The following EDIL3 variants were observed in gnomAD, a reference collection of about 807,000 sequenced individuals.
EDIL3 encodes the protein EGF like and discoidin domains 3.
In EDIL3, 37 loss-of-function variants were observed where a neutral mutation model predicts 67.4. The ratio of observed to expected loss-of-function variants is 0.55; its 90% confidence interval spans 0.42 to 0.72. The LOEUF (loss-of-function observed/expected upper bound fraction) is 0.72. Ranked by LOEUF, EDIL3 falls within the 30% of genes least tolerant of loss-of-function variation. The pLI, the probability that EDIL3 is intolerant of heterozygous loss-of-function variation, is 0.00. For synonymous variants in EDIL3, 195 were observed against 196.3 expected, an observed-to-expected ratio of 0.99 and a Z score of 0.05; for missense variants, 527 against 586.3, an observed-to-expected ratio of 0.90 and a Z score of 1.04.
chr5:84,265,219 T>G (rs906794738), intron 1 of EDIL3, among the ~76,000 whole-genome samples: 4 of 152,208 alleles, frequency 2.6e-5, no homozygotes, highest in African/African-American at 4.8e-5. Context: ...TAGAATGTCT[T>G]AGTTTCAAGT....
intron 6 of EDIL3, among the ~76,000 whole-genome samples, chr5:84,074,830 C>T (rs1580313919): frequency 6.6e-6 from 1 of 152,110 alleles, no homozygotes; most frequent in East Asian, 1.9e-4. Flanking sequence ...ACCATTTGAC[C>T]CAGCCATCCC....
chr5:84,253,290 T>C (rs1186882277), intron 2 of EDIL3, among the ~76,000 whole-genome samples: 1 of 152,204 alleles, frequency 6.6e-6, no homozygotes, highest in Non-Finnish European at 1.5e-5. Flanking sequence ...AACAGATATA[T>C]TCCATCTTGT....
At chr5:84,090,954 CA>C (rs70975540) in intron 6 of EDIL3, among the ~76,000 whole-genome samples, 35,767 of 139,986 alleles carry the variant, frequency 0.26, 4,421 homozygotes, top group Middle Eastern at 0.32. Context: ...CTCAAAAAAA[CA>C]AAAAAAAAAA....
At chr5:84,139,041 C>G (rs1044430598) in intron 4 of EDIL3, among the ~76,000 whole-genome samples, 9 of 152,160 alleles carry the variant, frequency 5.9e-5, no homozygotes, top group Admixed American at 1.3e-4. Context: ...AGTTCAAGAC[C>G]AGCCTGGCCA....
At chr5:84,011,526 C>T (rs1745516659) in intron 9 of EDIL3, among the ~76,000 whole-genome samples, 1 of 152,150 alleles carries the variant, frequency 6.6e-6, no homozygotes, top group Non-Finnish European at 1.5e-5. Flanking sequence ...CCAACATTAC[C>T]TTTTAAAACT....
intron 3 of EDIL3, among the ~76,000 whole-genome samples, chr5:84,203,488 C>T (rs1743889593): frequency 6.6e-6 from 1 of 152,110 alleles, no homozygotes; most frequent in African/African-American, 2.4e-5. Context: ...AATCTCAGGG[C>T]TGATGTTGGT....
intron 3 of EDIL3, among the ~76,000 whole-genome samples, chr5:84,200,637 C>T (rs1214173433): frequency 6.6e-6 from 1 of 151,948 alleles, no homozygotes; most frequent in Non-Finnish European, 1.5e-5. Context: ...TGATATATTA[C>T]ATTTGTTTTA....
intron 9 of EDIL3, among the ~76,000 whole-genome samples, chr5:84,024,808 T>G (rs2112196004): frequency 6.6e-6 from 1 of 151,860 alleles, no homozygotes; most frequent in African/African-American, 2.4e-5. Flanking sequence ...TTCTATTTTT[T>G]TTTTCACTCT....
intron 4 of EDIL3, among the ~76,000 whole-genome samples, chr5:84,145,904 C>A (rs1748283783): frequency 6.6e-6 from 1 of 151,994 alleles, no homozygotes; most frequent in South Asian, 2.1e-4. Flanking sequence ...TTCCTATGAG[C>A]ATTTTAATTT....
chr5:84,351,892 A>G (rs570234788), intron 1 of EDIL3, among the ~76,000 whole-genome samples: 181 of 152,154 alleles, frequency 1.2e-3, no homozygotes, highest in African/African-American at 4.2e-3. Flanking sequence ...CTATATATCT[A>G]AAAGAAGGCT....
chr5:84,138,175 T>C (rs1043473013), intron 4 of EDIL3, among the ~76,000 whole-genome samples: 1 of 152,220 alleles, frequency 6.6e-6, no homozygotes, highest in South Asian at 2.1e-4. Context: ...AGTACAGTAG[T>C]TGGAGAGCAC....
intron 6 of EDIL3, among the ~76,000 whole-genome samples, chr5:84,104,624 C>G (rs1747425850): frequency 6.6e-6 from 1 of 151,964 alleles, no homozygotes; most frequent in South Asian, 2.1e-4. Flanking sequence ...AGACCAAAAG[C>G]AAATTATCAT....
Position 83,943,415 on chromosome 5 carries a change from C to G in EDIL3, c.*4G>C. ...GGAAGAGGGTTGTGAAATGTAGCCTCCCCTCATTCCTCCTCTGTGCAGCCC... is the reference window on the plus strand; with the variant it reads ...GGAAGAGGGTTGTGAAATGTAGCCTGCCCTCATTCCTCCTCTGTGCAGCCC... On this transcript the variant is annotated 3_prime_UTR_variant, in exon 11 of 11. Transcript: ENST00000296591. 14 of 1,612,290 alleles carry G rather than the reference C, an allele frequency of 8.7e-6. No individual in the cohort carries two copies. Among genetic ancestry groups the G allele is most frequent in the Non-Finnish European group, 1.0e-5 (12 of 1,178,966 alleles).
At chr5:84,200,081 G>A (rs347353) in intron 3 of EDIL3, among the ~76,000 whole-genome samples, 80,667 of 151,786 alleles carry the variant, frequency 0.53, 21,635 homozygotes, top group East Asian at 0.71. Flanking sequence ...CTATGTTCTG[G>A]GATTTATTTT....
intron 6 of EDIL3, among the ~76,000 whole-genome samples, chr5:84,081,378 C>T (rs777159976): frequency 2.0e-5 from 3 of 152,072 alleles, no homozygotes; most frequent in Non-Finnish European, 4.4e-5. Flanking sequence ...TAGTCTCGAA[C>T]TCTTGTAAAT....
intron 1 of EDIL3, among the ~76,000 whole-genome samples, chr5:84,355,488 T>G (rs1293165841): frequency 1.3e-5 from 2 of 152,076 alleles, no homozygotes; most frequent in Admixed American, 1.3e-4. Flanking sequence ...TCTGACAATT[T>G]GTCAAACTCA....
intron 2 of EDIL3, among the ~76,000 whole-genome samples, chr5:84,241,391 G>A (rs1247268870): frequency 6.6e-6 from 1 of 151,780 alleles, no homozygotes; most frequent in African/African-American, 2.4e-5. Context: ...ATTCCAACTT[G>A]GTATTTATTA....
chr5:84,362,184 T>C (rs1272871899), intron 1 of EDIL3, among the ~76,000 whole-genome samples: 1 of 152,138 alleles, frequency 6.6e-6, no homozygotes, highest in Non-Finnish European at 1.5e-5. Context: ...TGTAACAGCA[T>C]CTTTTGCTTT....
At chr5:84,169,423 G>A (rs1317372805) in intron 4 of EDIL3, among the ~76,000 whole-genome samples, 1 of 151,906 alleles carries the variant, frequency 6.6e-6, no homozygotes, top group Non-Finnish European at 1.5e-5. Context: ...ATATGTGTAT[G>A]TAATTAGGCT....
Sources: gnomAD v4.1 joint callset for allele counts (sites outside exome capture counted in the v4.1 genomes callset) on GRCh38, gnomAD v4.1.1 for gene constraint, MANE v1.5 for transcripts, NCBI Gene and HGNC (gene_info 2026-07-23, HGNC 2026-07-21) for gene names.